GRM7: variants seen among roughly 807,000 people sequenced by gnomAD.
GRM7 encodes metabotropic glutamate receptor 7.
GRM7 carries 35 observed loss-of-function variants against 84.5 expected under a neutral mutation model. That is an observed-to-expected ratio of 0.41 (90% CI 0.32 to 0.55). The LOEUF is 0.55. GRM7 is among the 20% of genes least tolerant of loss of function. The probability of loss-of-function intolerance (pLI) is 0.19; values close to 1 mark genes in which losing one functional copy is unlikely to be tolerated. For synonymous variants in GRM7, 487 were observed against 455.1 expected (o/e 1.07, Z -0.89); for missense variants, 1,003 against 1,194.6 (o/e 0.84, Z 2.36).
At chr3:7,104,164 T>C (rs1013437978) in intron 1 of GRM7, among the ~76,000 whole-genome samples, 1 of 151,632 alleles carries the variant, frequency 6.6e-6, no homozygotes, top group East Asian at 1.9e-4. Context: ...TTTCTCTTTC[T>C]CTTTTCATGT....
At chr3:7,482,831 T>G (rs187534903) in intron 7 of GRM7, among the ~76,000 whole-genome samples, 36 of 152,322 alleles carry the variant, frequency 2.4e-4, no homozygotes, top group Admixed American at 2.1e-3. Flanking sequence ...AGGATGTGCT[T>G]CTTCTGATTC....
Position 7,664,654 on chromosome 3 carries a change from T to C in GRM7, c.2452-15395T>C, listed in dbSNP as rs529542649. Reference sequence around the variant, plus strand: ...TAGGTATTTCTCCTAATGCTATCCCTCCCCAACCCCCATGCCTTCTATTTT... The same window carrying C: ...TAGGTATTTCTCCTAATGCTATCCCCCCCCAACCCCCATGCCTTCTATTTT... On this transcript the variant is annotated intron_variant, in intron 8 of 9. Transcript: ENST00000357716. Among the ~76,000 whole-genome samples, 13 of 152,278 alleles carry C rather than the reference T, an allele frequency of 8.5e-5. No homozygotes were observed. In the South Asian group the frequency reaches 2.5e-3, roughly 29 times the overall value.
At chr3:7,368,292 G>T (rs910703906) in intron 4 of GRM7, among the ~76,000 whole-genome samples, 18 of 151,958 alleles carry the variant, frequency 1.2e-4, no homozygotes, top group African/African-American at 2.4e-5. Flanking sequence ...TTAAAAACTG[G>T]AATGATATAT....
chr3:7,731,526 T>C (rs1702330840), intron 9 of GRM7, among the ~76,000 whole-genome samples: 1 of 152,180 alleles, frequency 6.6e-6, no homozygotes, highest in African/African-American at 2.4e-5. Context: ...CCAAGCTAAC[T>C]TTGGAAGACA....
At chr3:7,345,248 T>C (rs1692837095) in intron 4 of GRM7, among the ~76,000 whole-genome samples, 2 of 151,936 alleles carry the variant, frequency 1.3e-5, no homozygotes, top group Non-Finnish European at 2.9e-5. Flanking sequence ...TGATTTTAAC[T>C]CTGTCTCATA....
intron 7 of GRM7, among the ~76,000 whole-genome samples, chr3:7,518,651 G>C (rs1297005644): frequency 1.3e-5 from 2 of 152,266 alleles, no homozygotes; most frequent in East Asian, 3.9e-4. Context: ...GTTCCCTGTA[G>C]CTTATGTTTT....
At chr3:7,657,457 T>G (rs1575600735) in intron 8 of GRM7, among the ~76,000 whole-genome samples, 1 of 152,182 alleles carries the variant, frequency 6.6e-6, no homozygotes, top group Non-Finnish European at 1.5e-5. Context: ...AAAAATGTAC[T>G]GAAGCAGCTA....
At chr3:7,512,655 T>C (rs997963422) in intron 7 of GRM7, among the ~76,000 whole-genome samples, 61 of 151,666 alleles carry the variant, frequency 4.0e-4, no homozygotes, top group African/African-American at 1.4e-3. Flanking sequence ...AAAGTGTTTG[T>C]GGGTGTTCTT....
At chr3:7,715,973 TTC>T (rs761642841) in intron 9 of GRM7, among the ~76,000 whole-genome samples, 8 of 152,126 alleles carry the variant, frequency 5.3e-5, no homozygotes, top group Non-Finnish European at 1.2e-4. Flanking sequence ...CCAAGCCAGG[TTC>T]TCCTCCCCAG....
chr3:7,173,002 A>T (rs957019945), intron 2 of GRM7, among the ~76,000 whole-genome samples: 15 of 152,146 alleles, frequency 9.9e-5, no homozygotes, highest in Admixed American at 9.8e-4. Flanking sequence ...CCTATATATT[A>T]CTATATATGT....
intron 4 of GRM7, among the ~76,000 whole-genome samples, chr3:7,387,373 G>A (rs569757668): frequency 6.6e-6 from 1 of 152,144 alleles, no homozygotes; most frequent in South Asian, 2.1e-4. Flanking sequence ...CTAGGCCAAT[G>A]CCTAGAAGAG....
intron 1 of GRM7, among the ~76,000 whole-genome samples, chr3:7,016,749 A>G (rs1695580871): frequency 6.6e-6 from 1 of 152,174 alleles, no homozygotes; most frequent in South Asian, 2.1e-4. Flanking sequence ...TCGAAGTACA[A>G]TATGTGACGT....
intron 2 of GRM7, among the ~76,000 whole-genome samples, chr3:7,289,061 C>G (rs989850200): frequency 2.0e-5 from 3 of 152,150 alleles, no homozygotes; most frequent in African/African-American, 4.8e-5. Context: ...CATGTTTTAA[C>G]CTCATGAATT....
intron 1 of GRM7, among the ~76,000 whole-genome samples, chr3:7,079,231 T>G (rs1698199615): frequency 1.3e-5 from 2 of 152,140 alleles, no homozygotes; most frequent in Non-Finnish European, 2.9e-5. Context: ...TTTTACAGTG[T>G]AAGGTCACTG....
rs113238606 is a variant in GRM7, at chr3:7,132,918, A to G, written c.520-13534A>G. Among the ~76,000 whole-genome samples the G allele has an allele frequency of 1.9e-3, 290 of 152,382 alleles. 2 individuals are homozygous for G. Among genetic ancestry groups the G allele is most frequent in the African/African-American group, 6.1e-3 (255 of 41,594 alleles). ...AGTTTACTTGACTATTCAATAAACC[A>G]TAACACTCCATTTTCAACCCTTCTG... On this transcript the variant is annotated intron_variant, in intron 1 of 9. Transcript: ENST00000357716.
intron 9 of GRM7, among the ~76,000 whole-genome samples, chr3:7,690,817 G>A (rs1215227762): frequency 6.6e-6 from 1 of 152,138 alleles, no homozygotes; most frequent in African/African-American, 2.4e-5. Flanking sequence ...TGACTGTTGA[G>A]TGCATTTCCT....
At chr3:7,577,001 A>G (rs543422151) in intron 7 of GRM7, among the ~76,000 whole-genome samples, 4 of 152,182 alleles carry the variant, frequency 2.6e-5, no homozygotes, top group South Asian at 2.1e-4. Context: ...GCTTCCCTCT[A>G]TGTTGGCTTC....
At chr3:7,563,047 C>G (rs1252304692) in intron 7 of GRM7, among the ~76,000 whole-genome samples, 1 of 152,118 alleles carries the variant, frequency 6.6e-6, no homozygotes, top group African/African-American at 2.4e-5. Flanking sequence ...CCTTTCTTGT[C>G]TTAGTAAGCC....
At chr3:7,192,811 G>A (rs1038120600) in intron 2 of GRM7, among the ~76,000 whole-genome samples, 2 of 152,090 alleles carry the variant, frequency 1.3e-5, no homozygotes, top group African/African-American at 2.4e-5. Context: ...TGTACTGAGT[G>A]CCTATTTTTC....
Sources: gnomAD v4.1 joint callset for allele counts (sites outside exome capture counted in the v4.1 genomes callset) on GRCh38, gnomAD v4.1.1 for gene constraint, MANE v1.5 for transcripts, NCBI Gene and HGNC (gene_info 2026-07-23, HGNC 2026-07-21) for gene names.